The following PATJ variants were observed in gnomAD, a reference collection of about 807,000 sequenced individuals.
PATJ encodes the protein inaD-like protein.
Under a neutral mutation model 224.9 loss-of-function variants are expected in PATJ, and 190 were observed. That is an observed-to-expected ratio of 0.84 (90% CI 0.75 to 0.95). The LOEUF is 0.95. PATJ is among the 40% of genes least tolerant of loss of function. The pLI, the probability that PATJ is intolerant of heterozygous loss-of-function variation, is 0.00. For synonymous variants in PATJ, 769 were observed against 820.3 expected (o/e 0.94, Z 1.07); for missense variants, 2,121 against 2,270.3 (o/e 0.93, Z 1.34).
At chr1:61,997,982 T>TTTTTTTTATA (rs374175697) in intron 28 of PATJ, among the ~76,000 whole-genome samples, 3 of 118,336 alleles carry the variant, frequency 2.5e-5, no homozygotes, top group Non-Finnish European at 3.2e-5. Context: ...TGTGCCCAGC[T>TTTTTTTTATA]TATATATGTA....
chr1:61,831,196 A>G (rs1434309427), intron 16 of PATJ, among the ~76,000 whole-genome samples: 1 of 151,690 alleles, frequency 6.6e-6, no homozygotes, highest in African/African-American at 2.4e-5. Flanking sequence ...TCAAAAAAAA[A>G]AAAAAAAAAG....
At chr1:61,757,188 T>C (rs567716545) in intron 1 of PATJ, among the ~76,000 whole-genome samples, 11 of 151,456 alleles carry the variant, frequency 7.3e-5, no homozygotes, top group Non-Finnish European at 1.5e-4. Context: ...TCTCCCACCT[T>C]AGCCTCCTGA....
intron 24 of PATJ, among the ~76,000 whole-genome samples, chr1:61,905,756 C>G (rs1671767233): frequency 6.6e-6 from 1 of 152,100 alleles, no homozygotes; most frequent in Non-Finnish European, 1.5e-5. Context: ...CAACCTTTTC[C>G]CTTTACTCTC....
chr1:61,803,212 T>A (rs959204776), intron 12 of PATJ, among the ~76,000 whole-genome samples: 1 of 152,194 alleles, frequency 6.6e-6, no homozygotes. Context: ...ACAATACTCC[T>A]CTATTATAAA....
chr1:62,085,368 C>A (rs1196978581), intron 33 of PATJ, among the ~76,000 whole-genome samples: 1 of 151,066 alleles, frequency 6.6e-6, no homozygotes, highest in African/African-American at 2.4e-5. Flanking sequence ...AAAAAACAAA[C>A]AAAAAACTTT....
Sources: allele counts gnomAD v4.1 joint callset (sites outside exome capture counted in the v4.1 genomes callset), GRCh38; gene constraint gnomAD v4.1.1; transcripts MANE v1.5; gene names NCBI Gene and HGNC (gene_info 2026-07-23, HGNC 2026-07-21).